ADCY2: variants seen among roughly 807,000 people sequenced by gnomAD.
The protein encoded by ADCY2 is adenylate cyclase 2.
Under a neutral mutation model 125.2 loss-of-function variants are expected in ADCY2, and 31 were observed. The ratio of observed to expected loss-of-function variants is 0.25; its 90% confidence interval spans 0.19 to 0.33. ADCY2 has a LOEUF of 0.33. Among genes scored for constraint, ADCY2 ranks in the 10% least tolerant of loss-of-function variants. The probability of loss-of-function intolerance (pLI) is 1.00; values close to 1 mark genes in which losing one functional copy is unlikely to be tolerated. For missense variants in ADCY2, 904 were observed against 1,418.2 expected (o/e 0.64, Z 5.82); for synonymous variants, 512 against 548.4 (o/e 0.93, Z 0.93).
At chr5:7,673,963 C>T (rs1740027651) in intron 4 of ADCY2, among the ~76,000 whole-genome samples, 1 of 152,162 alleles carries the variant, frequency 6.6e-6, no homozygotes, top group African/African-American at 2.4e-5. Context: ...TAGTTCCTTA[C>T]ACCCATGTGT....
At chr5:7,446,495 A>C (rs1741255920) in intron 2 of ADCY2, among the ~76,000 whole-genome samples, 2 of 152,192 alleles carry the variant, frequency 1.3e-5, no homozygotes, top group South Asian at 4.1e-4. Context: ...CAAGAATTCA[A>C]GACCAGCCTG....
chr5:7,433,278 T>G (rs1740672970), intron 2 of ADCY2, among the ~76,000 whole-genome samples: 1 of 152,230 alleles, frequency 6.6e-6, no homozygotes, highest in Non-Finnish European at 1.5e-5. Context: ...TTATCAAGTT[T>G]ACTTAAGGAG....
intron 14 of ADCY2, among the ~76,000 whole-genome samples, chr5:7,731,046 C>T (rs1394015437): frequency 2.6e-5 from 4 of 151,936 alleles, no homozygotes; most frequent in Non-Finnish European, 5.9e-5. Context: ...TCATCCTGGG[C>T]TCCAGGTGTT....
At chr5:7,569,246 C>T (rs1485872468) in intron 3 of ADCY2, among the ~76,000 whole-genome samples, 1 of 152,032 alleles carries the variant, frequency 6.6e-6, no homozygotes, top group African/African-American at 2.4e-5. Context: ...GCAGAGGATA[C>T]CGCAGGACAG....
chr5:7,616,630 G>A (rs961578238), intron 3 of ADCY2, among the ~76,000 whole-genome samples: 1 of 152,168 alleles, frequency 6.6e-6, no homozygotes, highest in African/African-American at 2.4e-5. Context: ...TGGAATTTCT[G>A]CAAGAGTTAC....
intron 3 of ADCY2, among the ~76,000 whole-genome samples, chr5:7,589,848 T>G (rs975413807): frequency 1.4e-4 from 21 of 152,292 alleles, no homozygotes; most frequent in Admixed American, 9.8e-4. Context: ...CTAAATCCCC[T>G]TTTTCCTCTC....
At chr5:7,484,477 A>C (rs147699692) in intron 2 of ADCY2, among the ~76,000 whole-genome samples, 1 of 152,232 alleles carries the variant, frequency 6.6e-6, no homozygotes, top group African/African-American at 2.4e-5. Context: ...CCCAAGCTCC[A>C]TTAGCCTTCC....
chr5:7,397,688 C>G (rs1739113069), intron 1 of ADCY2, among the ~76,000 whole-genome samples: 2 of 151,924 alleles, frequency 1.3e-5, no homozygotes, highest in Admixed American at 6.6e-5. Context: ...AGAATTGTTA[C>G]CATCATGTTT....
intron 3 of ADCY2, among the ~76,000 whole-genome samples, chr5:7,572,697 A>G (rs990731120): frequency 6.6e-6 from 1 of 152,042 alleles, no homozygotes; most frequent in African/African-American, 2.4e-5. Context: ...TTCATCATGA[A>G]ATCTTTGCCA....
intron 4 of ADCY2, among the ~76,000 whole-genome samples, chr5:7,673,624 A>G (rs771950245): frequency 2.0e-5 from 3 of 152,116 alleles, no homozygotes; most frequent in African/African-American, 7.2e-5. Context: ...ACTGGGTCCA[A>G]GTAGCCTTTC....
chr5:7,571,854 C>A (rs544873325), intron 3 of ADCY2, among the ~76,000 whole-genome samples: 1 of 152,226 alleles, frequency 6.6e-6, no homozygotes, highest in Non-Finnish European at 1.5e-5. Context: ...GTGTTCTCAT[C>A]ATGTAGCTCC....
chr5:7,493,992 C>T (rs920295638), intron 2 of ADCY2, among the ~76,000 whole-genome samples: 3 of 152,028 alleles, frequency 2.0e-5, no homozygotes, highest in East Asian at 1.9e-4. Context: ...CTGGAAAAGC[C>T]GAGCTGCAGA....
chr5:7,535,203 G>A (rs1035897039), intron 3 of ADCY2, among the ~76,000 whole-genome samples: 1 of 152,128 alleles, frequency 6.6e-6, no homozygotes, highest in Non-Finnish European at 1.5e-5. Flanking sequence ...ACCACGCCCA[G>A]CTAATTTTTT....
At chr5:7,628,366 AG>A (rs1249953513) in intron 4 of ADCY2, among the ~76,000 whole-genome samples, 1 of 152,206 alleles carries the variant, frequency 6.6e-6, no homozygotes, top group Non-Finnish European at 1.5e-5. Flanking sequence ...CTTTGATAAA[AG>A]CAGTTTCAGG....
chr5:7,740,327 C>G (rs1405080990), intron 14 of ADCY2, among the ~76,000 whole-genome samples: 2 of 151,916 alleles, frequency 1.3e-5, no homozygotes, highest in Non-Finnish European at 2.9e-5. Flanking sequence ...ACTTCAGAGT[C>G]TCTTTGAAAT....
At chr5:7,587,899 C>T (rs1736684986) in intron 3 of ADCY2, among the ~76,000 whole-genome samples, 1 of 151,980 alleles carries the variant, frequency 6.6e-6, no homozygotes, top group South Asian at 2.1e-4. Flanking sequence ...TTCTACTTTG[C>T]CATTAAAATG....
chr5:7,674,821 G>A (rs965320332), intron 4 of ADCY2, among the ~76,000 whole-genome samples: 8 of 152,110 alleles, frequency 5.3e-5, no homozygotes, highest in Non-Finnish European at 1.0e-4. Flanking sequence ...TTTTTGTGTC[G>A]TGGCTGTAGT....
chr5:7,664,350 T>C (rs1311057341), intron 4 of ADCY2, among the ~76,000 whole-genome samples: 1 of 152,208 alleles, frequency 6.6e-6, no homozygotes, highest in African/African-American at 2.4e-5. Context: ...AATAAGACTC[T>C]CACTTTCCTC....
Position 7,829,622 on chromosome 5 carries a change from T to G in ADCY2, c.*2751T>G, listed in dbSNP as rs917389761. On this transcript the variant is annotated 3_prime_UTR_variant, in exon 25 of 25. Transcript: ENST00000338316. Reference sequence around the variant, plus strand: ...CTTACAGGAAGCCTCTCATAGAAATTGCCTCCAGTCCAGTTTCCCAAAAAC... The same window carrying G: ...CTTACAGGAAGCCTCTCATAGAAATGGCCTCCAGTCCAGTTTCCCAAAAAC... The G allele has an allele frequency of 1.3e-5, 2 of 152,300 alleles. No individual in the cohort carries two copies. Among genetic ancestry groups the G allele is most frequent in the African/African-American group, 4.8e-5 (2 of 41,422 alleles). 9.4% of individuals were successfully genotyped at this position (152,300 alleles called of 1,614,324 possible). A position where few individuals can be genotyped will look rare whatever the true frequency, so the allele number is the denominator to read the frequency against.
Sources: gnomAD v4.1 joint callset for allele counts (sites outside exome capture counted in the v4.1 genomes callset) on GRCh38, gnomAD v4.1.1 for gene constraint, MANE v1.5 for transcripts, NCBI Gene and HGNC (gene_info 2026-07-23, HGNC 2026-07-21) for gene names.